The following UBE2Q2 variants were observed in gnomAD, a reference collection of about 807,000 sequenced individuals.
UBE2Q2 encodes ubiquitin conjugating enzyme E2 Q2.
In UBE2Q2, 54 loss-of-function variants were observed where a neutral mutation model predicts 59.9. The ratio of observed to expected loss-of-function variants is 0.90; its 90% confidence interval spans 0.72 to 1.13. The LOEUF (loss-of-function observed/expected upper bound fraction) is 1.13. Among genes scored for constraint, UBE2Q2 ranks in the 50% most tolerant of loss-of-function variants. The probability of loss-of-function intolerance (pLI) is 0.00; values close to 1 mark genes in which losing one functional copy is unlikely to be tolerated. For synonymous variants in UBE2Q2, 165 were observed against 155.2 expected, an observed-to-expected ratio of 1.06 and a Z score of -0.47; for missense variants, 433 against 441.9, an observed-to-expected ratio of 0.98 and a Z score of 0.18.
At chr15:75,877,838 G>A in intron 6 of UBE2Q2, 123 bp from the exon 7 acceptor site, 1 of 697,288 alleles carries the variant, frequency 1.4e-6, no homozygotes, top group Non-Finnish European at 2.4e-6. Flanking sequence ...ATATAGCTTA[G>A]TTGTTCCATG....
At chr15:75,881,877 G>A (rs1898449318) in intron 8 of UBE2Q2, among the ~76,000 whole-genome samples, 1 of 152,172 alleles carries the variant, frequency 6.6e-6, no homozygotes, top group Non-Finnish European at 1.5e-5. Flanking sequence ...AGTACTTTAA[G>A]AAGGGTCTAT....
chr15:75,852,039 A>T (rs1306042245), intron 1 of UBE2Q2, among the ~76,000 whole-genome samples: 1 of 151,874 alleles, frequency 6.6e-6, no homozygotes, highest in Non-Finnish European at 1.5e-5. Context: ...ATGCTTAGCT[A>T]ATTTTTTTAT....
intron 1 of UBE2Q2, among the ~76,000 whole-genome samples, chr15:75,844,951 G>A (rs567275915): frequency 2.6e-5 from 4 of 151,020 alleles, no homozygotes; most frequent in Non-Finnish European, 5.9e-5. Context: ...TATCTGGGCA[G>A]AAGGTGTGTT....
intron 4 of UBE2Q2, among the ~76,000 whole-genome samples, chr15:75,871,122 G>C (rs1012675443): frequency 3.3e-5 from 5 of 152,190 alleles, no homozygotes; most frequent in Non-Finnish European, 7.3e-5. Flanking sequence ...GTGAACAAAG[G>C]TCTTTGCATC....
rs984545021 is a variant in UBE2Q2 at position 75,865,369 on chromosome 15, C to G, written c.388-3582C>G. ...ATTGTGTGTAGCTATAGTTCTTTTG[C>G]ATTGCTGTATTTATTCCATTGTTTG... On this transcript the variant is annotated intron_variant, in intron 3 of 12. Transcript: ENST00000267938. Among the ~76,000 whole-genome samples, 4 of 152,260 alleles carry G rather than the reference C, an allele frequency of 2.6e-5. No homozygotes were observed. The East Asian group carries it at 7.7e-4, about 29-fold the overall frequency.
intron 4 of UBE2Q2, among the ~76,000 whole-genome samples, chr15:75,872,214 C>T (rs1381589595): frequency 2.0e-5 from 3 of 151,134 alleles, no homozygotes; most frequent in African/African-American, 7.3e-5. Context: ...GGCAACGGAG[C>T]GAGACTCCAT....
In UBE2Q2 at chr15:75,843,542, G is replaced by T; in HGVS notation, c.-125G>T. ...TTCCAGCAGCGCTCGACGAGGCGGA[G>T]CCGCGAGAGCGCGGCCCAGGCCGGC... On this transcript the variant is annotated 5_prime_UTR_variant, in exon 1 of 13. Coordinates refer to ENST00000267938, the MANE Select transcript of UBE2Q2 (RefSeq NM_173469.4). 2 of 577,780 alleles carry T rather than the reference G, an allele frequency of 3.5e-6. No individual in the cohort carries two copies. The highest frequency in any genetic ancestry group is 4.9e-6 in the Non-Finnish European group (2 of 406,106). 35.8% of individuals were successfully genotyped at this position (577,780 alleles called of 1,614,324 possible). A position where few individuals can be genotyped will look rare whatever the true frequency, so the allele number is the denominator to read the frequency against.
At chr15:75,869,080 C>T (rs1349463403) in intron 4 of UBE2Q2, 70 bp downstream of exon 4, 4 of 1,289,510 alleles carry the variant, frequency 3.1e-6, no homozygotes, top group African/African-American at 3.0e-5. Context: ...ATTCTCAAAT[C>T]TTTTTTATAG....
chr15:75,875,088 T>G (rs1469572916), intron 5 of UBE2Q2, among the ~76,000 whole-genome samples: 1 of 152,228 alleles, frequency 6.6e-6, no homozygotes, highest in African/African-American at 2.4e-5. Context: ...CTTTATGTCT[T>G]GTGATCGATT....
chr15:75,880,469 G>GA (rs1263497797), intron 8 of UBE2Q2, among the ~76,000 whole-genome samples: 2 of 149,404 alleles, frequency 1.3e-5, no homozygotes, highest in African/African-American at 4.9e-5. Context: ...ATGGAATCTA[G>GA]AAAAAATGTT....
At chr15:75,875,254 C>A (rs1182611601) in intron 5 of UBE2Q2, among the ~76,000 whole-genome samples, 1 of 151,900 alleles carries the variant, frequency 6.6e-6, no homozygotes, top group Non-Finnish European at 1.5e-5. Context: ...ATAGGAAAAA[C>A]TTCTCATATT....
intron 3 of UBE2Q2, among the ~76,000 whole-genome samples, chr15:75,860,756 T>C (rs1897166114): frequency 6.6e-6 from 1 of 152,166 alleles, no homozygotes; most frequent in Non-Finnish European, 1.5e-5. Context: ...TCTTGGCAGG[T>C]TGTTCTTTGG....
At position 75,875,936 on chromosome 15, in the gene UBE2Q2, C is replaced by T. The variant is rs185134624; in HGVS notation, c.589-251C>T. ...CAAAATTTAGCTGGGCGTGGTGGTG[C>T]GCACCTGTAGTCTCAGCTACTTGGG... is the stretch of plus-strand genomic sequence containing the variant. On this transcript the variant is annotated intron_variant, in intron 5 of 12. Coordinates refer to ENST00000267938, the MANE Select transcript of UBE2Q2 (RefSeq NM_173469.4). 7.1e-4 allele frequency among the ~76,000 whole-genome samples: 107 copies of T among 151,482 alleles called. 1 individual carries two copies. Among genetic ancestry groups the T allele is most frequent in the African/African-American group, 2.3e-3 (96 of 41,288 alleles).
rs1324808842 is a variant in UBE2Q2 at position 75,878,055 on chromosome 15, C to T, written c.734+34C>T. On this transcript the variant is annotated intron_variant, in intron 7 of 12. Coordinates refer to ENST00000267938, the MANE Select transcript of UBE2Q2 (RefSeq NM_173469.4). ...CTTTTTAATGCTCACCCACTCTTTG[C>T]AATGGTAGACTATCACAGTGGAGGT... The T allele has an allele frequency of 3.2e-6, 5 of 1,577,560 alleles. No homozygotes were observed. In the East Asian group the frequency reaches 9.0e-5, roughly 28 times the overall value.
intron 1 of UBE2Q2, chr15:75,844,393 A>G: frequency 6.4e-7 from 1 of 1,551,482 alleles, no homozygotes; most frequent in South Asian, 1.2e-5. Flanking sequence ...GTTGGAATGC[A>G]GACTCTGGTG....
rs781773130 is a variant in UBE2Q2 at position 75,890,401 on chromosome 15, G to A, written c.885-34G>A. 5 of 1,560,610 alleles carry A rather than the reference G, an allele frequency of 3.2e-6. No individual in the cohort carries two copies. The Admixed American group carries it at 6.1e-5, about 19-fold the overall frequency. On this transcript the variant is annotated intron_variant, in intron 9 of 12. Coordinates refer to ENST00000267938, the MANE Select transcript of UBE2Q2 (RefSeq NM_173469.4). Reference sequence around the variant, plus strand: ...AATTGTTTAAGGAGGAATAATTCTCGAGAATTTTGTATGACTCCTTTTTTC... The same window carrying A: ...AATTGTTTAAGGAGGAATAATTCTCAAGAATTTTGTATGACTCCTTTTTTC...
At chr15:75,874,116 G>A (rs1473095870) in intron 5 of UBE2Q2, among the ~76,000 whole-genome samples, 4 of 151,786 alleles carry the variant, frequency 2.6e-5, no homozygotes, top group South Asian at 4.2e-4. Flanking sequence ...GCCCCTTCCC[G>A]GCCTGTTTAT....
At chr15:75,879,377 A>G (rs1160721384) in intron 8 of UBE2Q2, among the ~76,000 whole-genome samples, 189 bp downstream of exon 8, 2 of 152,200 alleles carry the variant, frequency 1.3e-5, no homozygotes, top group African/African-American at 2.4e-5. Flanking sequence ...TCAGAGCAGC[A>G]TCGTTTATAA....
At chr15:75,885,765 C>G (rs1372073084) in intron 9 of UBE2Q2, among the ~76,000 whole-genome samples, 1 of 152,098 alleles carries the variant, frequency 6.6e-6, no homozygotes, top group Non-Finnish European at 1.5e-5. Context: ...AGTGGAAATC[C>G]CAGGTTGGGT....
Sources: allele counts gnomAD v4.1 joint callset (sites outside exome capture counted in the v4.1 genomes callset), GRCh38; gene constraint gnomAD v4.1.1; transcripts MANE v1.5; gene names NCBI Gene and HGNC (gene_info 2026-07-23, HGNC 2026-07-21).